Variants in ALLC observed in about 807,000 individuals in gnomAD.
ALLC encodes probable inactive allantoicase.
A neutral mutation model predicts 45.0 loss-of-function variants in ALLC; 40 were observed. The observed-to-expected ratio is 0.89, with a 90% CI of 0.69 to 1.16. The LOEUF is 1.16. Among genes scored for constraint, ALLC ranks in the 50% most tolerant of loss-of-function variants. The pLI, the probability that ALLC is intolerant of heterozygous loss-of-function variation, is 0.00. For missense variants in ALLC, 488 were observed against 493.1 expected (o/e 0.99, Z 0.10); for synonymous variants, 176 against 178.1 (o/e 0.99, Z 0.09).
At chr2:3,647,409 C>T in the ALLC span, among the ~76,000 whole-genome samples, 1 of 152,094 alleles carries the variant, frequency 6.6e-6, no homozygotes, top group Non-Finnish European at 1.5e-5. Flanking sequence ...TGTCTTGGGG[C>T]AATTCCCATG....
At chr2:3,655,599 G>C (rs558955042), upstream of ALLC, among the ~76,000 whole-genome samples, 1 of 152,270 alleles carries the variant, frequency 6.6e-6, no homozygotes, top group Non-Finnish European at 1.5e-5. Context: ...GGGAATACAG[G>C]TGTGTGTCAT....
At chr2:3,669,764 C>T (rs1666816520) in intron 1 of ALLC, among the ~76,000 whole-genome samples, 1 of 152,166 alleles carries the variant, frequency 6.6e-6, no homozygotes. Context: ...AAGGCTTTTG[C>T]TGGAGCGACC....
At chr2:3,689,705 A>G (rs1454694619) in intron 7 of ALLC, among the ~76,000 whole-genome samples, 1 of 150,718 alleles carries the variant, frequency 6.6e-6, no homozygotes, top group African/African-American at 2.4e-5. Flanking sequence ...ATGTTCTGTA[A>G]TGTCAGTTAG....
the ALLC span, among the ~76,000 whole-genome samples, chr2:3,646,560 C>G: frequency 6.6e-6 from 1 of 152,308 alleles, no homozygotes; most frequent in South Asian, 2.1e-4. Flanking sequence ...AGCACCTTGT[C>G]TTCATGGAGC....
intron 1 of ALLC, among the ~76,000 whole-genome samples, chr2:3,666,992 GT>G (rs1354055084): frequency 6.6e-6 from 1 of 152,178 alleles, no homozygotes; most frequent in African/African-American, 2.4e-5. Flanking sequence ...TAACTGAAAA[GT>G]TTAAATGTGT....
At chr2:3,688,925 A>T (rs1017196727) in intron 7 of ALLC, 7 of 184,640 alleles carry the variant, frequency 3.8e-5, no homozygotes, top group African/African-American at 1.6e-4. Context: ...AGCTAAAAGC[A>T]GCCTTGGTGA....
intron 4 of ALLC, 133 bp from the exon 5 acceptor site, chr2:3,679,736 C>T: frequency 8.0e-7 from 1 of 1,245,178 alleles, no homozygotes; most frequent in Non-Finnish European, 1.2e-6. Context: ...TAAGAACCGC[C>T]CTGAACAGTT....
chr2:3,651,326 T>G, the ALLC span, among the ~76,000 whole-genome samples: 29 of 962 alleles, frequency 0.03, no homozygotes, highest in African/African-American at 0.06. Flanking sequence ...GGGGGGTGTG[T>G]GTGTGTGTGT....
chr2:3,678,048 C>T (rs1168187917), intron 3 of ALLC, among the ~76,000 whole-genome samples: 1 of 152,154 alleles, frequency 6.6e-6, no homozygotes, highest in African/African-American at 2.4e-5. Context: ...TTCACCTGGA[C>T]CCTGAGCGTC....
chr2:3,669,507 GC>G (rs1347684826), intron 1 of ALLC, among the ~76,000 whole-genome samples: 1 of 151,144 alleles, frequency 6.6e-6, no homozygotes, highest in Non-Finnish European at 1.5e-5. Flanking sequence ...AATTAGCCGG[GC>G]GTGGTGGCAG....
chr2:3,649,526 C>T, the ALLC span, among the ~76,000 whole-genome samples: 2 of 152,212 alleles, frequency 1.3e-5, no homozygotes, highest in African/African-American at 4.8e-5. Context: ...CAGGCGTGAG[C>T]CACCGCGCCC....
chr2:3,655,519 G>A (rs567774506), upstream of ALLC, among the ~76,000 whole-genome samples: 46 of 152,316 alleles, frequency 3.0e-4, no homozygotes, highest in Middle Eastern at 6.8e-3. Context: ...GCAGTGGTGC[G>A]ATCACAGCTC....
chr2:3,694,533 T>G (rs547809380), intron 7 of ALLC: 1 of 152,350 alleles, frequency 6.6e-6, no homozygotes, highest in Non-Finnish European at 1.5e-5. Context: ...TCTTATTTTT[T>G]AAAATGTGAA....
chr2:3,677,348 T>G (rs1055257520), intron 3 of ALLC, among the ~76,000 whole-genome samples: 2 of 152,230 alleles, frequency 1.3e-5, no homozygotes, highest in Non-Finnish European at 2.9e-5. Context: ...TACCTCCTTC[T>G]CTCCTTCTGG....
At chr2:3,671,959 A>G (rs1666887387) in intron 2 of ALLC, among the ~76,000 whole-genome samples, 3 of 106,450 alleles carry the variant, frequency 2.8e-5, no homozygotes, top group South Asian at 3.2e-4. Context: ...CTCTGGCTCT[A>G]TTTAGATCCG....
chr2:3,688,634 CT>C, intron 7 of ALLC: 3 of 185,988 alleles, frequency 1.6e-5, no homozygotes, highest in South Asian at 9.7e-5. Flanking sequence ...GATGGTGGCT[CT>C]TTTGGCTTAC....
chr2:3,664,930 C>T (rs1474594207), intron 1 of ALLC, among the ~76,000 whole-genome samples: 1 of 150,900 alleles, frequency 6.6e-6, no homozygotes. Context: ...CAGATGTTTC[C>T]AAATGCTCGA....
At chr2:3,702,319 G>A (rs1667876578) in intron 11 of ALLC, 44 bp from the exon 12 acceptor site, 2 of 1,579,646 alleles carry the variant, frequency 1.3e-6, no homozygotes, top group African/African-American at 1.4e-5. Context: ...GGCCACACAT[G>A]TCCTGTTAAC....
At chr2:3,668,636 T>C (rs1419392524) in intron 1 of ALLC, among the ~76,000 whole-genome samples, 3 of 136,248 alleles carry the variant, frequency 2.2e-5, no homozygotes, top group African/African-American at 8.5e-5. Context: ...AGTGCAGTGG[T>C]GCAATCTCGG....
Sources: allele counts gnomAD v4.1 joint callset (sites outside exome capture counted in the v4.1 genomes callset), GRCh38; gene constraint gnomAD v4.1.1; transcripts MANE v1.5; gene names NCBI Gene and HGNC (gene_info 2026-07-23, HGNC 2026-07-21).